ADAMTS17: variants seen among roughly 807,000 people sequenced by gnomAD.
The protein encoded by ADAMTS17 is ADAM metallopeptidase with thrombospondin type 1 motif 17, also known as A disintegrin and metalloproteinase with thrombospondin motifs 17.
Under a neutral mutation model 141.5 loss-of-function variants are expected in ADAMTS17, and 113 were observed. That is an observed-to-expected ratio of 0.80 (90% CI 0.69 to 0.93). The LOEUF is 0.93. ADAMTS17 is among the 40% of genes least tolerant of loss of function. The probability of loss-of-function intolerance (pLI) is 0.00; values close to 1 mark genes in which losing one functional copy is unlikely to be tolerated. For synonymous variants in ADAMTS17, 768 were observed against 630.6 expected (o/e 1.22, Z -3.27); for missense variants, 1,659 against 1,517.9 (o/e 1.09, Z -1.54).
At chr15:100,100,479 C>T (rs1208852662) in intron 14 of ADAMTS17, among the ~76,000 whole-genome samples, 1 of 152,160 alleles carries the variant, frequency 6.6e-6, no homozygotes, top group African/African-American at 2.4e-5. Flanking sequence ...GCTTCTCCTC[C>T]AAAGCTGCCT....
chr15:100,311,199 T>C (rs1233747502), intron 3 of ADAMTS17, among the ~76,000 whole-genome samples: 1 of 152,352 alleles, frequency 6.6e-6, no homozygotes, highest in East Asian at 1.9e-4. Context: ...CAGTCACACA[T>C]TCTCCCGGCT....
chr15:100,238,588 A>C (rs1013080215), intron 7 of ADAMTS17, among the ~76,000 whole-genome samples: 4 of 152,242 alleles, frequency 2.6e-5, no homozygotes, highest in Non-Finnish European at 4.4e-5. Flanking sequence ...ATGGGAATTT[A>C]ATACCTGCCA....
chr15:99,988,983 C>T (rs1024714056), intron 20 of ADAMTS17, among the ~76,000 whole-genome samples: 7 of 152,134 alleles, frequency 4.6e-5, no homozygotes, highest in African/African-American at 1.2e-4. Context: ...AAGTGTCCAG[C>T]GAGTCCTCAG....
intron 7 of ADAMTS17, among the ~76,000 whole-genome samples, chr15:100,202,124 T>C (rs1276987132): frequency 6.6e-6 from 1 of 152,208 alleles, no homozygotes; most frequent in African/African-American, 2.4e-5. Flanking sequence ...CCACGGGCTC[T>C]GATGCAGAAC....
intron 3 of ADAMTS17, among the ~76,000 whole-genome samples, chr15:100,292,821 A>G (rs1231636564): frequency 6.6e-6 from 1 of 152,210 alleles, no homozygotes; most frequent in Non-Finnish European, 1.5e-5. Context: ...CAGAGGGGGA[A>G]AAAAAGAATC....
chr15:99,997,866 G>A lies in ADAMTS17; in HGVS notation c.2592-277C>T, dbSNP rs1410461195. Among the ~76,000 whole-genome samples, 1 of 152,156 alleles carries A rather than the reference G, an allele frequency of 6.6e-6. No homozygotes were observed. The highest frequency in any genetic ancestry group is 1.5e-5 in the Non-Finnish European group (1 of 68,032). ...ATTATCTGGTCACGGCCTCCCTGTA[G>A]GGAATTACGTATCTGCTTGTCGTCA... On this transcript the variant is annotated intron_variant, in intron 18 of 21. Coordinates refer to ENST00000268070, the MANE Select transcript of ADAMTS17 (RefSeq NM_139057.4). The surrounding 1 kb of genome is among the most constrained non-coding windows in gnomAD (Gnocchi z 4.7).
intron 1 of ADAMTS17, 145 bp downstream of exon 1, chr15:100,341,676 T>C (rs1488397826): frequency 2.8e-6 from 3 of 1,085,634 alleles, no homozygotes; most frequent in African/African-American, 3.4e-5. Context: ...CCGATTCCCG[T>C]ACTCCGGCCG....
chr15:100,269,223 G>C (rs1454715536), intron 4 of ADAMTS17, among the ~76,000 whole-genome samples: 1 of 152,112 alleles, frequency 6.6e-6, no homozygotes, highest in Non-Finnish European at 1.5e-5. Flanking sequence ...CCTTGGTAAA[G>C]GATTCATGAC....
At chr15:100,262,492 G>A in intron 4 of ADAMTS17, 57 bp from the exon 5 acceptor site, 1 of 1,373,932 alleles carries the variant, frequency 7.3e-7, no homozygotes, top group East Asian at 2.5e-5. Flanking sequence ...TAAAAATACA[G>A]TAGTATCCTA....
At chr15:100,023,985 C>T (rs2727115) in intron 18 of ADAMTS17, among the ~76,000 whole-genome samples, 16,371 of 152,242 alleles carry the variant, frequency 0.11, 2,323 homozygotes, top group African/African-American at 0.33. Flanking sequence ...TCTTCCTAAA[C>T]ATCTTCCTTT....
intron 15 of ADAMTS17, among the ~76,000 whole-genome samples, chr15:100,058,922 T>C (rs2032882603): frequency 6.6e-6 from 1 of 152,164 alleles, no homozygotes. Flanking sequence ...AGGAACATAC[T>C]GGACAACAGA....
At chr15:100,289,103 A>G (rs1020912972) in intron 3 of ADAMTS17, among the ~76,000 whole-genome samples, 3 of 152,202 alleles carry the variant, frequency 2.0e-5, no homozygotes, top group African/African-American at 7.2e-5. Flanking sequence ...ACCTCTAGCT[A>G]GACCAATAAA....
At chr15:100,207,554 G>A (rs992234466) in intron 7 of ADAMTS17, among the ~76,000 whole-genome samples, 17 of 152,206 alleles carry the variant, frequency 1.1e-4, no homozygotes, top group African/African-American at 3.6e-4. Flanking sequence ...TGGCCTTGAT[G>A]TTCACGACAT....
intron 13 of ADAMTS17, 24 bp from the exon 14 acceptor site, chr15:100,109,140 C>T (rs780216915): frequency 1.9e-5 from 30 of 1,594,076 alleles, no homozygotes; most frequent in South Asian, 1.0e-4. Context: ...GGTTGGAGGA[C>T]GTTGACACGG....
chr15:100,047,955 A>C (rs1052727768), intron 18 of ADAMTS17, among the ~76,000 whole-genome samples: 1 of 152,216 alleles, frequency 6.6e-6, no homozygotes, highest in African/African-American at 2.4e-5. Flanking sequence ...AAATCATCAC[A>C]GCAAGCCTCA....
intron 7 of ADAMTS17, among the ~76,000 whole-genome samples, chr15:100,199,814 G>C (rs1297799518): frequency 6.6e-6 from 1 of 152,152 alleles, no homozygotes; most frequent in Non-Finnish European, 1.5e-5. Flanking sequence ...CCTAGGGCTG[G>C]GACCAGGTGA....
At chr15:100,011,618 T>C (rs1467919532) in intron 18 of ADAMTS17, among the ~76,000 whole-genome samples, 1 of 152,226 alleles carries the variant, frequency 6.6e-6, no homozygotes, top group African/African-American at 2.4e-5. Context: ...GCACTTTATA[T>C]GATTCAACTT....
At chr15:100,277,178 C>G (rs1334838610) in intron 4 of ADAMTS17, among the ~76,000 whole-genome samples, 1 of 152,128 alleles carries the variant, frequency 6.6e-6, no homozygotes, top group Admixed American at 6.5e-5. Context: ...CAGGCCTCCT[C>G]AGGAAACATC....
At chr15:100,171,741 C>G (rs2040168374) in intron 8 of ADAMTS17, among the ~76,000 whole-genome samples, 1 of 152,152 alleles carries the variant, frequency 6.6e-6, no homozygotes, top group Admixed American at 6.5e-5. Context: ...CCCAGAACCT[C>G]CCGGCAGCCT....
Sources: gnomAD v4.1 joint callset for allele counts (sites outside exome capture counted in the v4.1 genomes callset) on GRCh38, gnomAD v4.1.1 for gene constraint, Gnocchi (gnomAD v3.1) non-coding constraint, MANE v1.5 for transcripts, NCBI Gene and HGNC (gene_info 2026-07-23, HGNC 2026-07-21) for gene names.